Variants in PTPRN2 observed in about 807,000 individuals in gnomAD.
PTPRN2 encodes protein tyrosine phosphatase receptor type N2, also known as receptor-type tyrosine-protein phosphatase N2.
A neutral mutation model predicts 118.8 loss-of-function variants in PTPRN2; 74 were observed. The observed-to-expected ratio is 0.62, with a 90% CI of 0.52 to 0.76. The LOEUF (loss-of-function observed/expected upper bound fraction) is 0.76. Among genes scored for constraint, PTPRN2 ranks in the 30% least tolerant of loss-of-function variants. The pLI is 0.00. For synonymous variants in PTPRN2, 641 were observed against 608.0 expected (o/e 1.05, Z -0.80); for missense variants, 1,481 against 1,394.4 (o/e 1.06, Z -0.99).
intron 14 of PTPRN2, among the ~76,000 whole-genome samples, chr7:157,633,052 A>G (rs1184303896): frequency 6.6e-6 from 1 of 152,136 alleles, no homozygotes; most frequent in Non-Finnish European, 1.5e-5. Context: ...CACGTCCTAT[A>G]AGCCAGGGAT....
chr7:158,295,072 C>G (rs1800388736), intron 3 of PTPRN2, among the ~76,000 whole-genome samples: 1 of 148,516 alleles, frequency 6.7e-6, no homozygotes, highest in African/African-American at 2.5e-5. Context: ...CTGACCCTGC[C>G]TGTCTGCCCA....
chr7:157,954,831 G>A (rs1445905266), intron 11 of PTPRN2, among the ~76,000 whole-genome samples: 1 of 152,132 alleles, frequency 6.6e-6, no homozygotes, highest in East Asian at 1.9e-4. Context: ...ATCAGGTGAG[G>A]TGTTTAAGTA....
At chr7:158,049,747 CA>C (rs1331469539) in intron 11 of PTPRN2, among the ~76,000 whole-genome samples, 2 of 152,020 alleles carry the variant, frequency 1.3e-5, no homozygotes, top group Non-Finnish European at 2.9e-5. Flanking sequence ...CTAAAAATTA[CA>C]AAAAATGAGC....
intron 9 of PTPRN2, among the ~76,000 whole-genome samples, chr7:158,130,138 T>C (rs1585538517): frequency 6.6e-6 from 1 of 152,206 alleles, no homozygotes; most frequent in Non-Finnish European, 1.5e-5. Flanking sequence ...AATTATGATA[T>C]GCAGCTAATT....
chr7:158,197,601 G>A (rs1256531980), intron 4 of PTPRN2, among the ~76,000 whole-genome samples: 1 of 152,148 alleles, frequency 6.6e-6, no homozygotes, highest in Admixed American at 6.5e-5. Context: ...AGATATACCT[G>A]AGACTGGGTA....
rs1168927627 is a variant in PTPRN2, at chr7:157,845,887, G to C, written c.1788+52786C>G. ...AAAAATTAACCCCAGGCAGATTAAAGCCTAAATGGGGGGAAAAAACCTGTA... is the reference window on the plus strand; with the variant it reads ...AAAAATTAACCCCAGGCAGATTAAACCCTAAATGGGGGGAAAAAACCTGTA... On this transcript the variant is annotated intron_variant, in intron 12 of 22. Coordinates refer to ENST00000389418, the MANE Select transcript of PTPRN2 (RefSeq NM_002847.5). This position sits in a 1 kb window ranked among gnomAD's most constrained non-coding sequence, Gnocchi z 4.5. 1.3e-5 allele frequency among the ~76,000 whole-genome samples: 2 copies of C among 152,170 alleles called. No homozygotes were observed. The highest frequency in any genetic ancestry group is 1.3e-4 in the Admixed American group (2 of 15,284).
intron 6 of PTPRN2, among the ~76,000 whole-genome samples, chr7:158,155,493 T>TCAC (rs1821636452): frequency 7.4e-6 from 1 of 134,588 alleles, no homozygotes. Flanking sequence ...ATCATCACCA[T>TCAC]CACCATCATC....
At chr7:157,658,669 C>T (rs1235573158) in intron 13 of PTPRN2, among the ~76,000 whole-genome samples, 1 of 152,226 alleles carries the variant, frequency 6.6e-6, no homozygotes, top group African/African-American at 2.4e-5. Context: ...GACCAACAAT[C>T]TCGTTTTGAA....
chr7:158,533,612 C>T (rs1039685676), intron 1 of PTPRN2, among the ~76,000 whole-genome samples: 5 of 152,196 alleles, frequency 3.3e-5, no homozygotes, highest in African/African-American at 9.7e-5. Context: ...CCGCAGAGAC[C>T]GTCCTGACCC....
chr7:158,297,450 G>A (rs1800581676), intron 3 of PTPRN2, among the ~76,000 whole-genome samples: 1 of 152,178 alleles, frequency 6.6e-6, no homozygotes, highest in Admixed American at 6.5e-5. Flanking sequence ...TTGTGGTTCA[G>A]CAACCCTCAG....
chr7:157,620,179 C>T (rs1369761897), intron 15 of PTPRN2, among the ~76,000 whole-genome samples: 3 of 152,182 alleles, frequency 2.0e-5, no homozygotes, highest in Non-Finnish European at 4.4e-5. Context: ...ATATCTAGGA[C>T]CCCCTTCCTC....
chr7:158,268,245 C>T (rs186362567), intron 3 of PTPRN2, among the ~76,000 whole-genome samples: 61 of 151,822 alleles, frequency 4.0e-4, no homozygotes, highest in African/African-American at 1.2e-3. Flanking sequence ...ATATCCCAGC[C>T]GCACACACAC....
intron 2 of PTPRN2, among the ~76,000 whole-genome samples, chr7:158,370,652 T>C (rs2151316029): frequency 6.6e-6 from 1 of 151,842 alleles, no homozygotes; most frequent in Non-Finnish European, 1.5e-5. Flanking sequence ...CTCAGGAGGC[T>C]GAAGCAGGAG....
chr7:158,367,490 C>T (rs1030055759), intron 2 of PTPRN2, among the ~76,000 whole-genome samples: 9 of 152,194 alleles, frequency 5.9e-5, no homozygotes, highest in African/African-American at 2.2e-4. Flanking sequence ...GAGGCACCAA[C>T]TGGGAGGCTG....
At chr7:158,112,278 T>C (rs549919315) in intron 9 of PTPRN2, among the ~76,000 whole-genome samples, 76 of 152,260 alleles carry the variant, frequency 5.0e-4, no homozygotes, top group Non-Finnish European at 8.7e-4. Context: ...AGAGACTGTC[T>C]TGTAAAGTGG....
intron 14 of PTPRN2, among the ~76,000 whole-genome samples, chr7:157,631,831 CAAAAAA>C (rs564048764): frequency 1.1e-4 from 8 of 72,452 alleles, no homozygotes; most frequent in African/African-American, 2.8e-4. Flanking sequence ...GACTCCGTCT[CAAAAAA>C]AAAAAAAAAA....
intron 19 of PTPRN2, among the ~76,000 whole-genome samples, chr7:157,573,842 G>A (rs1799879845): frequency 6.6e-6 from 1 of 152,172 alleles, no homozygotes; most frequent in Non-Finnish European, 1.5e-5. Context: ...AGGTTTCGCT[G>A]TAATTTTCAT....
At chr7:157,712,855 C>T (rs1179820088) in intron 12 of PTPRN2, among the ~76,000 whole-genome samples, 3 of 152,028 alleles carry the variant, frequency 2.0e-5, no homozygotes, top group East Asian at 1.9e-4. Flanking sequence ...AGCCACAAGC[C>T]GAGGGACACT....
chr7:157,910,503 C>T lies in PTPRN2; in HGVS notation c.1724-11766G>A, dbSNP rs117447290. Among the ~76,000 whole-genome samples, 1,698 of 151,146 alleles carry T rather than the reference C, an allele frequency of 0.011. 136 individuals are homozygous for T. The East Asian group carries it at 0.23, about 21-fold the overall frequency. The stretch of plus-strand genomic sequence containing the variant: ...GGACGGGTCCAGGATCACGCATGTA[C>T]GCCGTGGGAACGGGTCCAGGATCAC... On this transcript the variant is annotated intron_variant, in intron 11 of 22. Transcript: ENST00000389418.
Sources: gnomAD v4.1 joint callset for allele counts (sites outside exome capture counted in the v4.1 genomes callset) on GRCh38, gnomAD v4.1.1 for gene constraint, Gnocchi (gnomAD v3.1) non-coding constraint, MANE v1.5 for transcripts, NCBI Gene and HGNC (gene_info 2026-07-23, HGNC 2026-07-21) for gene names.